The following CRPPA variants were observed in gnomAD, a reference collection of about 807,000 sequenced individuals.
The protein encoded by CRPPA is D-ribitol-5-phosphate cytidylyltransferase.
In CRPPA, 43 loss-of-function variants were observed where a neutral mutation model predicts 52.0. That is an observed-to-expected ratio of 0.83 (90% CI 0.65 to 1.07). The LOEUF (loss-of-function observed/expected upper bound fraction) is 1.07. Among genes scored for constraint, CRPPA ranks in the 50% least tolerant of loss-of-function variants. The probability of loss-of-function intolerance (pLI) is 0.00; values close to 1 mark genes in which losing one functional copy is unlikely to be tolerated. For synonymous variants in CRPPA, 250 were observed against 203.5 expected (o/e 1.23, Z -1.94); for missense variants, 629 against 551.7 (o/e 1.14, Z -1.40).
chr7:16,259,527 AACTT>A (rs1259770536), intron 6 of CRPPA, among the ~76,000 whole-genome samples: 1 of 151,968 alleles, frequency 6.6e-6, no homozygotes, highest in Non-Finnish European at 1.5e-5. Flanking sequence ...AACTGTCGGG[AACTT>A]ACTTCTACTA....
At chr7:16,293,169 C>A (rs1784595476) in intron 5 of CRPPA, among the ~76,000 whole-genome samples, 1 of 151,730 alleles carries the variant, frequency 6.6e-6, no homozygotes, top group South Asian at 2.1e-4. Flanking sequence ...AGCAGGTGGG[C>A]AAAATATCGA....
chr7:16,386,441 G>C (rs1280622398), intron 2 of CRPPA, among the ~76,000 whole-genome samples: 1 of 152,184 alleles, frequency 6.6e-6, no homozygotes, highest in Non-Finnish European at 1.5e-5. Context: ...TTAGGACCAT[G>C]AGTTTCTAGG....
rs201152381 is a variant in CRPPA at position 16,244,135 on chromosome 7, AT to A, written c.1119+14254del. Among the ~76,000 whole-genome samples the A allele has an allele frequency of 7.6e-4, 115 of 150,668 alleles. 1 individual carries two copies. The highest frequency in any genetic ancestry group is 1.7e-3 in the African/African-American group (69 of 41,158). On this transcript the variant is annotated intron_variant, in intron 8 of 9. Coordinates refer to ENST00000407010, the MANE Select transcript of CRPPA (RefSeq NM_001101426.4). ...TAGTTCTTTTAAAAACAAAGTCTCA[AT>A]TTTTTTTTTCTGCTCTTCATGGTGA...
intron 5 of CRPPA, among the ~76,000 whole-genome samples, chr7:16,286,506 G>A (rs1176153155): frequency 6.6e-6 from 1 of 151,986 alleles, no homozygotes; most frequent in South Asian, 2.1e-4. Context: ...TCTCATCATA[G>A]GATTCCTACC....
intron 8 of CRPPA, among the ~76,000 whole-genome samples, chr7:16,230,907 AGAGGACT>A (rs1430610538): frequency 6.6e-6 from 1 of 152,114 alleles, no homozygotes; most frequent in African/African-American, 2.4e-5. Context: ...AGTGCTGTTC[AGAGGACT>A]GACACAAGTC....
rs138603060 is a variant in CRPPA, at chr7:16,129,659, A to G, written c.1252-37860T>C. ...TGAGGAGCTGCTCAGTACATATTTT[A>G]TTGTCAAGGAGAGGGGAGCTAAGCA... On this transcript the variant is annotated intron_variant, in intron 9 of 9. Transcript: ENST00000407010. Among the ~76,000 whole-genome samples, 1,273 of 152,218 alleles carry G rather than the reference A, an allele frequency of 8.4e-3. 69 individuals carry two copies. The highest frequency in any genetic ancestry group is 0.078 in the Admixed American group (1,187 of 15,286).
intron 9 of CRPPA, among the ~76,000 whole-genome samples, chr7:16,127,353 C>T (rs945151703): frequency 1.3e-5 from 2 of 151,072 alleles, no homozygotes; most frequent in Non-Finnish European, 3.0e-5. Flanking sequence ...GCTAATGTAA[C>T]AAGAAAAGAA....
At chr7:16,333,156 C>A (rs918446725) in intron 3 of CRPPA, among the ~76,000 whole-genome samples, 2 of 152,158 alleles carry the variant, frequency 1.3e-5, no homozygotes, top group Admixed American at 6.5e-5. Flanking sequence ...GATGAATAAA[C>A]TGTAATTGGA....
chr7:16,197,033 G>T (rs1403011119), intron 9 of CRPPA, among the ~76,000 whole-genome samples: 4 of 150,280 alleles, frequency 2.7e-5, no homozygotes, highest in Admixed American at 1.3e-4. Context: ...AAAAGAAAAA[G>T]CTATCTACCC....
intron 4 of CRPPA, among the ~76,000 whole-genome samples, chr7:16,306,514 A>C (rs17460723): frequency 0.3 from 45,057 of 152,154 alleles, 7,062 homozygotes; most frequent in Admixed American, 0.36. Context: ...CTTCCTTTTC[A>C]TCCACAGATC....
At chr7:16,378,317 G>T (rs1273820806) in intron 2 of CRPPA, among the ~76,000 whole-genome samples, 1 of 130,408 alleles carries the variant, frequency 7.7e-6, no homozygotes, top group South Asian at 2.4e-4. Context: ...GTGTCCATGT[G>T]TTCCCATTGT....
intron 9 of CRPPA, among the ~76,000 whole-genome samples, chr7:16,185,180 A>T (rs983158155): frequency 1.3e-5 from 2 of 152,238 alleles, no homozygotes; most frequent in African/African-American, 2.4e-5. Flanking sequence ...ACTCACAATC[A>T]TGGCAGAAAG....
rs1237363230 is a variant in CRPPA, at chr7:16,421,456, C to G, written c.-134G>C. ...GCAGAGCGCGCAAGCAGAAGGCGCC[C>G]CCCTCAGCCGTCGGAGCCCCGCTGT... On this transcript the variant is annotated 5_prime_UTR_variant, in exon 1 of 10. Coordinates refer to ENST00000407010, the MANE Select transcript of CRPPA (RefSeq NM_001101426.4). 4.5e-6 allele frequency: 4 copies of G among 885,892 alleles called. No individual in the cohort carries two copies. Among genetic ancestry groups the G allele is most frequent in the Non-Finnish European group, 5.9e-6 (4 of 680,432 alleles). 54.9% of individuals were successfully genotyped at this position (885,892 alleles called of 1,614,324 possible).
At position 16,151,665 on chromosome 7, in the gene CRPPA, A is replaced by G. The variant is rs1323930805; in HGVS notation, c.1252-59866T>C. 1.3e-5 allele frequency among the ~76,000 whole-genome samples: 2 copies of G among 152,226 alleles called. 1 individual carries two copies. The highest frequency in any genetic ancestry group is 4.1e-4 in the South Asian group (2 of 4,828). ...AGTGTATTTCTTCCATACGCTTTCT[A>G]TTAATATATTTACATTCATGTACAT... is the stretch of plus-strand genomic sequence containing the variant. On this transcript the variant is annotated intron_variant, in intron 9 of 9. Transcript: ENST00000407010.
chr7:16,313,530 C>G (rs936802806), intron 3 of CRPPA, among the ~76,000 whole-genome samples: 1 of 151,932 alleles, frequency 6.6e-6, no homozygotes. Flanking sequence ...TTCCTATTAT[C>G]AATTTCATCT....
chr7:16,258,813 TAGAAGAACTC>T, intron 7 of CRPPA, 97 bp downstream of exon 7: 1 of 637,328 alleles, frequency 1.6e-6, no homozygotes. Flanking sequence ...CAAAAATGTG[TAGAAGAACTC>T]ATCATAATAT....
At chr7:16,399,625 C>T (rs1038440681) in intron 2 of CRPPA, among the ~76,000 whole-genome samples, 8 of 151,754 alleles carry the variant, frequency 5.3e-5, no homozygotes, top group African/African-American at 1.2e-4. Context: ...GTGACTGACC[C>T]GATCGACACA....
At chr7:16,121,962 G>T (rs754349499) in intron 9 of CRPPA, among the ~76,000 whole-genome samples, 2 of 152,002 alleles carry the variant, frequency 1.3e-5, no homozygotes, top group African/African-American at 4.8e-5. Flanking sequence ...CATAGGAAAC[G>T]CTAAGGAACA....
rs1583389426 is a variant in CRPPA, at chr7:16,146,950, T to A, written c.1252-55151A>T. Among the ~76,000 whole-genome samples the A allele has an allele frequency of 2.0e-5, 3 of 152,206 alleles. No homozygotes were observed. The East Asian group carries it at 5.8e-4, about 29-fold the overall frequency. On this transcript the variant is annotated intron_variant, in intron 9 of 9. Coordinates refer to ENST00000407010, the MANE Select transcript of CRPPA (RefSeq NM_001101426.4). ...TTAAGTGTAAAGAGATTAAATTATC[T>A]AATCAAAAGACATAGGGGCTACACA...
Sources: allele counts gnomAD v4.1 joint callset (sites outside exome capture counted in the v4.1 genomes callset), GRCh38; gene constraint gnomAD v4.1.1; transcripts MANE v1.5; gene names NCBI Gene and HGNC (gene_info 2026-07-23, HGNC 2026-07-21).